DLGAP2: variants seen among roughly 807,000 people sequenced by gnomAD.
DLGAP2 encodes DLG associated protein 2.
In DLGAP2, 26 loss-of-function variants were observed where a neutral mutation model predicts 100.3. The observed-to-expected ratio is 0.26, with a 90% CI of 0.19 to 0.36. The LOEUF is 0.36. Ranked by LOEUF, DLGAP2 falls within the 10% of genes least tolerant of loss-of-function variation. The pLI, the probability that DLGAP2 is intolerant of heterozygous loss-of-function variation, is 1.00. For missense variants in DLGAP2, 1,858 were observed against 1,453.2 expected (o/e 1.28, Z -4.53); for synonymous variants, 886 against 630.1 (o/e 1.41, Z -6.08).
chr8:1,061,564 G>A (rs1244670641), intron 2 of DLGAP2, among the ~76,000 whole-genome samples: 1 of 147,912 alleles, frequency 6.8e-6, no homozygotes, highest in Non-Finnish European at 1.5e-5. Flanking sequence ...GTGTGGACTC[G>A]GGTGGAGCAG....
chr8:1,178,723 C>G (rs1321674479), intron 2 of DLGAP2, among the ~76,000 whole-genome samples: 1 of 152,164 alleles, frequency 6.6e-6, no homozygotes, highest in Non-Finnish European at 1.5e-5. Context: ...CTGGGCAGTG[C>G]TTTTCTTCCC....
At chr8:1,187,798 A>C (rs1210544953) in intron 2 of DLGAP2, among the ~76,000 whole-genome samples, 14 of 128,728 alleles carry the variant, frequency 1.1e-4, no homozygotes, top group Admixed American at 2.2e-4. Flanking sequence ...CGTTTGCCTC[A>C]TGGAATCTCA....
chr8:1,436,272 A>T (rs1797624517), intron 3 of DLGAP2, among the ~76,000 whole-genome samples: 6 of 152,190 alleles, frequency 3.9e-5, no homozygotes, highest in Admixed American at 3.9e-4. Context: ...CGGGCAAACC[A>T]CTGGTGTGAG....
chr8:1,567,876 A>G (rs544347437), intron 6 of DLGAP2, among the ~76,000 whole-genome samples: 1 of 152,350 alleles, frequency 6.6e-6, no homozygotes, highest in East Asian at 1.9e-4. Context: ...GAGTTCACTC[A>G]CCAACAGCCC....
intron 3 of DLGAP2, among the ~76,000 whole-genome samples, chr8:1,332,921 G>T (rs972661996): frequency 6.6e-6 from 1 of 152,156 alleles, no homozygotes; most frequent in Non-Finnish European, 1.5e-5. Flanking sequence ...ACTTGCTGAT[G>T]TTTCCTCAGA....
intron 3 of DLGAP2, among the ~76,000 whole-genome samples, chr8:1,350,169 G>A (rs1429270334): frequency 6.6e-6 from 1 of 151,426 alleles, no homozygotes; most frequent in Non-Finnish European, 1.5e-5. Context: ...TCATGCTCTT[G>A]TGGCGTGGAA....
rs73670764 is a variant in DLGAP2, at chr8:1,332,892, T to C, written c.106+74009T>C. On this transcript the variant is annotated intron_variant, in intron 3 of 14. Transcript: ENST00000637795. ...AGACACGTGTGTTGAAAGCTCTGGGTGTGTCTGGGAGTGGGACCACTTGCT... is the reference window on the plus strand; with the variant it reads ...AGACACGTGTGTTGAAAGCTCTGGGCGTGTCTGGGAGTGGGACCACTTGCT... 4.8e-3 allele frequency among the ~76,000 whole-genome samples: 729 copies of C among 152,270 alleles called. 8 individuals are homozygous for C. The highest frequency in any genetic ancestry group is 0.017 in the African/African-American group (703 of 41,560).
intron 4 of DLGAP2, among the ~76,000 whole-genome samples, chr8:1,507,273 C>T (rs374241431): frequency 7.2e-5 from 11 of 152,350 alleles, no homozygotes; most frequent in African/African-American, 1.7e-4. Flanking sequence ...TCAGGCATGG[C>T]GGGCTGCAGG....
At chr8:1,473,164 C>G (rs1798845785) in intron 3 of DLGAP2, among the ~76,000 whole-genome samples, 1 of 152,236 alleles carries the variant, frequency 6.6e-6, no homozygotes, top group Non-Finnish European at 1.5e-5. Context: ...CCCCTGACCT[C>G]AGATGATCCA....
chr8:1,588,058 A>G (rs1407594651), intron 6 of DLGAP2, among the ~76,000 whole-genome samples: 4 of 152,224 alleles, frequency 2.6e-5, no homozygotes, highest in African/African-American at 7.2e-5. Flanking sequence ...GTAGCACAAT[A>G]GAAAAATAAT....
chr8:1,334,083 C>T (rs1022997866), intron 3 of DLGAP2, among the ~76,000 whole-genome samples: 1 of 152,236 alleles, frequency 6.6e-6, no homozygotes, highest in African/African-American at 2.4e-5. Context: ...CTGAGAGCCC[C>T]AAACAGCTCA....
chr8:1,350,487 G>A (rs1462939307), intron 3 of DLGAP2, among the ~76,000 whole-genome samples: 1 of 91,170 alleles, frequency 1.1e-5, no homozygotes, highest in African/African-American at 4.6e-5. Context: ...GAAAGGCCGC[G>A]CGGGTCCTGA....
At chr8:1,019,743 G>T (rs1023215778) in intron 2 of DLGAP2, 9 of 152,144 alleles carry the variant, frequency 5.9e-5, no homozygotes, top group East Asian at 3.9e-4. Flanking sequence ...TCACCCTGAG[G>T]TGTACCCACT....
At chr8:1,343,920 G>C (rs185200643) in intron 3 of DLGAP2, among the ~76,000 whole-genome samples, 3 of 152,330 alleles carry the variant, frequency 2.0e-5, no homozygotes, top group Admixed American at 2.0e-4. Flanking sequence ...TGCCAGGTGA[G>C]GTATATCAGG....
At chr8:1,187,643 C>G (rs371920839) in intron 2 of DLGAP2, among the ~76,000 whole-genome samples, 2 of 144,146 alleles carry the variant, frequency 1.4e-5, no homozygotes, top group Non-Finnish European at 3.0e-5. Context: ...ACGTTTGTCT[C>G]ATGGAATCTC....
intron 2 of DLGAP2, among the ~76,000 whole-genome samples, chr8:1,142,675 C>T (rs888232133): frequency 6.6e-6 from 1 of 152,058 alleles, no homozygotes; most frequent in African/African-American, 2.4e-5. Flanking sequence ...TTCCGTTGGC[C>T]GTTGGAACGG....
At chr8:1,381,505 G>A (rs1796094250) in intron 3 of DLGAP2, 1 of 152,238 alleles carries the variant, frequency 6.6e-6, no homozygotes, top group African/African-American at 2.4e-5. Context: ...TCCTCATCCA[G>A]GCTGGACGGT....
chr8:1,628,418 G>C (rs1245507721), intron 7 of DLGAP2, among the ~76,000 whole-genome samples: 2 of 118,556 alleles, frequency 1.7e-5, no homozygotes, highest in East Asian at 2.6e-4. Context: ...TTAAGAGCTT[G>C]AGCCGACCTC....
At position 820,279 on chromosome 8, in the gene DLGAP2, T is replaced by A. The variant is rs150182301; in HGVS notation, c.18+82454T>A. ...ACAGAAAATTTAGTACAATATGTTT[T>A]TTAAATTGTGGAATTGGGAAGATCT... On this transcript the variant is annotated intron_variant, in intron 1 of 14. Coordinates refer to ENST00000637795, the MANE Select transcript of DLGAP2 (RefSeq NM_001346810.2). Among the ~76,000 whole-genome samples the A allele has an allele frequency of 9.4e-4, 143 of 152,328 alleles. 1 individual carries two copies. In the East Asian group the frequency reaches 0.024, roughly 25 times the overall value.
Sources: allele counts gnomAD v4.1 joint callset (sites outside exome capture counted in the v4.1 genomes callset), GRCh38; gene constraint gnomAD v4.1.1; transcripts MANE v1.5; gene names NCBI Gene and HGNC (gene_info 2026-07-23, HGNC 2026-07-21).